Variants in TBC1D12 observed in about 807,000 individuals in gnomAD.
TBC1D12 encodes TBC1 domain family member 12.
TBC1D12 carries 56 observed loss-of-function variants against 86.7 expected under a neutral mutation model. That is an observed-to-expected ratio of 0.65 (90% confidence interval 0.52 to 0.81). The LOEUF is 0.81. TBC1D12 is among the 30% of genes least tolerant of loss of function. TBC1D12 has a pLI of 0.00. For missense variants in TBC1D12, 1,023 were observed against 1,038.8 expected (o/e 0.98, Z 0.21); for synonymous variants, 421 against 411.7 (o/e 1.02, Z -0.27).
chr10:94,459,879 C>A (rs1328512396), intron 2 of TBC1D12, among the ~76,000 whole-genome samples: 1 of 152,200 alleles, frequency 6.6e-6, no homozygotes, highest in African/African-American at 2.4e-5. Context: ...CTGCACCTCT[C>A]ACTCCACACC....
At chr10:94,495,293 G>C (rs1366840690) in intron 4 of TBC1D12, among the ~76,000 whole-genome samples, 1 of 152,152 alleles carries the variant, frequency 6.6e-6, no homozygotes, top group African/African-American at 2.4e-5. Flanking sequence ...CAAAGTGCTG[G>C]AATTACAGGC....
At chr10:94,481,601 T>C (rs2056079293) in intron 3 of TBC1D12, among the ~76,000 whole-genome samples, 1 of 152,234 alleles carries the variant, frequency 6.6e-6, no homozygotes, top group African/African-American at 2.4e-5. Context: ...GGACTTTGGC[T>C]TATGCAAATG....
chr10:94,512,052 C>T (rs1023543759), intron 9 of TBC1D12, among the ~76,000 whole-genome samples: 2 of 152,152 alleles, frequency 1.3e-5, no homozygotes, highest in Non-Finnish European at 2.9e-5. Flanking sequence ...GCTCCTTATA[C>T]AGACTTTCAC....
In TBC1D12 at chr10:94,403,559, G is replaced by C; in HGVS notation, c.946G>C (p.Gly316Arg). Reference protein sequence around the residue: ...AGASARARRSGGFADFFTRNL... With the variant: ...AGASARARRSRGFADFFTRNL... ...GGCTTCGGCCCGGGCTCGACGGAGT[G>C]GCGGCTTCGCGGACTTCTTCACCAG... The change falls in exon 1 of 13, where the codon GGC becomes CGC. Residue 316 changes from glycine to arginine, a missense_variant. By Grantham distance (125) the Gly-to-Arg change is moderately radical (BLOSUM62 -2). Around this residue, in one of 2 missense-constraint regions of TBC1D12, gnomAD observed 628 missense variants for 531.1 expected, o/e 1.18. Transcript: ENST00000225235. 6.7e-7 allele frequency: 1 copy of C among 1,482,916 alleles called. No homozygotes were observed. Among genetic ancestry groups the C allele is most frequent in the Non-Finnish European group, 8.9e-7 (1 of 1,127,122 alleles). 91.9% of individuals were successfully genotyped at this position (1,482,916 alleles called of 1,614,324 possible).
At chr10:94,413,834 T>G (rs2134053037) in intron 1 of TBC1D12, among the ~76,000 whole-genome samples, 1 of 152,266 alleles carries the variant, frequency 6.6e-6, no homozygotes, top group South Asian at 2.1e-4. Flanking sequence ...TTAAAACATT[T>G]TAAATTTGGA....
chr10:94,501,071 T>TG (rs2056389226), intron 6 of TBC1D12, among the ~76,000 whole-genome samples: 1 of 139,750 alleles, frequency 7.2e-6, no homozygotes, highest in African/African-American at 2.7e-5. Context: ...AATGAATGAA[T>TG]AAATGAATGA....
chr10:94,403,915 CT>C (rs142236695), intron 1 of TBC1D12, among the ~76,000 whole-genome samples: 4,066 of 152,174 alleles, frequency 0.027, 181 homozygotes, highest in African/African-American at 0.09. Flanking sequence ...ATGCAGTTGC[CT>C]TTTCTGGAAA....
At chr10:94,430,055 C>G (rs374271860) in intron 1 of TBC1D12, among the ~76,000 whole-genome samples, 6 of 151,950 alleles carry the variant, frequency 3.9e-5, no homozygotes, top group Non-Finnish European at 5.9e-5. Context: ...TCTATCCCCC[C>G]ACCCCAATTT....
chr10:94,531,850 TTATTTTATTTTA>T (rs1272256393), intron 12 of TBC1D12, among the ~76,000 whole-genome samples: 54 of 137,390 alleles, frequency 3.9e-4, no homozygotes, highest in African/African-American at 1.0e-3. Flanking sequence ...TTATTTTATG[TTATTTTATTTTA>T]TATGTTATGT....
chr10:94,517,635 C>T (rs181753566), intron 9 of TBC1D12, among the ~76,000 whole-genome samples: 129 of 152,248 alleles, frequency 8.5e-4, no homozygotes, highest in African/African-American at 3.1e-3. Context: ...TATCAAGGCT[C>T]ACTGACAAAC....
chr10:94,427,132 C>T (rs959502488), intron 1 of TBC1D12, among the ~76,000 whole-genome samples: 1 of 152,176 alleles, frequency 6.6e-6, no homozygotes, highest in African/African-American at 2.4e-5. Flanking sequence ...TGTATTTATA[C>T]AATAGGCATA....
At chr10:94,482,673 C>T (rs1030402254) in intron 3 of TBC1D12, among the ~76,000 whole-genome samples, 1 of 152,056 alleles carries the variant, frequency 6.6e-6, no homozygotes, top group South Asian at 2.1e-4. Context: ...TGGTTGTGAA[C>T]TCCCGACCTC....
chr10:94,407,817 T>C (rs2054877919), intron 1 of TBC1D12, among the ~76,000 whole-genome samples: 2 of 152,172 alleles, frequency 1.3e-5, no homozygotes, highest in Non-Finnish European at 2.9e-5. Context: ...AAAATAGTTC[T>C]AAGCTGGGCA....
intron 7 of TBC1D12, among the ~76,000 whole-genome samples, chr10:94,508,222 T>G (rs1476404240): frequency 6.6e-6 from 1 of 152,158 alleles, no homozygotes; most frequent in Non-Finnish European, 1.5e-5. Context: ...TAACAGTGTT[T>G]CACAAGCCTC....
In TBC1D12 at chr10:94,402,682, G is replaced by A. The variant is rs763010618; in HGVS notation, c.69G>A (p.Pro23=). 1.2e-6 allele frequency: 2 copies of A among 1,604,634 alleles called. No individual in the cohort carries two copies. The highest frequency in any genetic ancestry group is 2.7e-5 in the African/African-American group (2 of 74,774). The change falls in exon 1 of 13, where the codon CCG becomes CCA. Residue 23 remains proline, a synonymous_variant. Transcript: ENST00000225235. ...RNPKLLPVPA[P]DPVGQDRKVI... is the part of the protein sequence containing the mutation. ...CCAAGTTGCTCCCGGTGCCTGCGCCGGACCCCGTGGGCCAGGACAGGAAGG... is the reference window on the plus strand; with the variant it reads ...CCAAGTTGCTCCCGGTGCCTGCGCCAGACCCCGTGGGCCAGGACAGGAAGG...
At position 94,515,709 on chromosome 10, in the gene TBC1D12, G is replaced by GT. The variant is rs1438067269; in HGVS notation, c.1761+4061dup. Among the ~76,000 whole-genome samples the GT allele has an allele frequency of 2.0e-5, 3 of 152,320 alleles. No individual in the cohort carries two copies. In the East Asian group the frequency reaches 5.8e-4, roughly 29 times the overall value. ...TAGTGCAGAATCCTATATATACTAT[G>GT]TTTTTTCTGTACATACATACCTATG... On this transcript the variant is annotated intron_variant, in intron 9 of 12. Transcript: ENST00000225235.
chr10:94,497,192 C>T lies in TBC1D12; in HGVS notation c.1412+20C>T, dbSNP rs758724722. ...AGTAATGTAAGTAAGCAGACTTTTC[C>T]TAAATTCCCATTTGTCTCCGAAGAT... On this transcript the variant is annotated intron_variant, in intron 5 of 12. Coordinates refer to ENST00000225235, the MANE Select transcript of TBC1D12 (RefSeq NM_015188.2). 5.1e-6 allele frequency: 7 copies of T among 1,384,066 alleles called. No individual in the cohort carries two copies. In the South Asian group the frequency reaches 5.7e-5, roughly 11 times the overall value. 85.7% of individuals were successfully genotyped at this position (1,384,066 alleles called of 1,614,324 possible).
intron 2 of TBC1D12, among the ~76,000 whole-genome samples, chr10:94,473,347 C>T (rs1039296958): frequency 1.5e-5 from 2 of 135,100 alleles, no homozygotes; most frequent in Non-Finnish European, 3.1e-5. Context: ...GCAACAAGAG[C>T]ATAACTCCAT....
chr10:94,407,643 C>T (rs2054874319), intron 1 of TBC1D12, among the ~76,000 whole-genome samples: 1 of 150,188 alleles, frequency 6.7e-6, no homozygotes, highest in Admixed American at 6.6e-5. Flanking sequence ...GATCGTGGCA[C>T]TGCACTCCAG....
Sources: gnomAD v4.1 joint callset for allele counts (sites outside exome capture counted in the v4.1 genomes callset) on GRCh38, gnomAD v4.1.1 for gene constraint, gnomAD v4.1.1 regional missense constraint, MANE v1.5 for transcripts, NCBI Gene and HGNC (gene_info 2026-07-23, HGNC 2026-07-21) for gene names.